ABCB10: variants seen among roughly 807,000 people sequenced by gnomAD.
ABCB10 encodes ATP-binding cassette sub-family B member 10, mitochondrial.
In ABCB10, 54 loss-of-function variants were observed where a neutral mutation model predicts 65.4. The ratio of observed to expected loss-of-function variants is 0.83; its 90% CI spans 0.66 to 1.04. The LOEUF is 1.04. ABCB10 is among the 50% of genes least tolerant of loss of function. ABCB10 has a pLI of 0.00. For synonymous variants in ABCB10, 418 were observed against 406.5 expected (o/e 1.03, Z -0.34); for missense variants, 846 against 976.6 (o/e 0.87, Z 1.78).
At chr1:229,542,928 C>T (rs1289449731) in intron 3 of ABCB10, among the ~76,000 whole-genome samples, 1 of 151,854 alleles carries the variant, frequency 6.6e-6, no homozygotes, top group Non-Finnish European at 1.5e-5. Context: ...GTCAGGAGTT[C>T]GAGACCAGCC....
chr1:229,527,172 A>G (rs1189388467), intron 9 of ABCB10, 57 bp downstream of exon 9: 2 of 1,516,722 alleles, frequency 1.3e-6, no homozygotes, highest in East Asian at 4.5e-5. Flanking sequence ...AAAAAAAGCA[A>G]AAGACAAAAG....
intron 6 of ABCB10, among the ~76,000 whole-genome samples, chr1:229,539,147 C>A (rs1301609358): frequency 2.0e-5 from 3 of 152,190 alleles, no homozygotes; most frequent in Non-Finnish European, 4.4e-5. Flanking sequence ...CCTCCTCCTG[C>A]CTGCACCTGT....
chr1:229,525,344 T>TTTG (rs370441280), intron 10 of ABCB10, among the ~76,000 whole-genome samples: 5,838 of 151,858 alleles, frequency 0.038, 248 homozygotes, highest in African/African-American at 0.11. Flanking sequence ...GCAAAGCACA[T>TTTG]TTGTTGTTGT....
At chr1:229,552,918 G>A (rs1663150942) in intron 1 of ABCB10, among the ~76,000 whole-genome samples, 1 of 152,154 alleles carries the variant, frequency 6.6e-6, no homozygotes, top group Admixed American at 6.5e-5. Context: ...ATCCCAAGCA[G>A]AGGAAGAGGA....
intron 9 of ABCB10, among the ~76,000 whole-genome samples, chr1:229,526,712 C>A (rs1662453510): frequency 6.6e-6 from 1 of 152,188 alleles, no homozygotes; most frequent in African/African-American, 2.4e-5. Context: ...ATTAAAACAG[C>A]TGCAGCAACA....
At chr1:229,546,807 C>T (rs552280608) in intron 3 of ABCB10, among the ~76,000 whole-genome samples, 134 of 151,978 alleles carry the variant, frequency 8.8e-4, no homozygotes, top group African/African-American at 2.8e-3. Context: ...TCACTTGAGC[C>T]CAGGAGTTTA....
At chr1:229,549,144 T>C in intron 2 of ABCB10, 90 bp downstream of exon 2, 1 of 1,380,632 alleles carries the variant, frequency 7.2e-7, no homozygotes, top group South Asian at 1.2e-5. Context: ...GAATGGAGCC[T>C]GGAGCACATG....
chr1:229,542,133 C>T, intron 4 of ABCB10, 104 bp downstream of exon 4: 1 of 1,381,672 alleles, frequency 7.2e-7, no homozygotes, highest in Non-Finnish European at 9.6e-7. Context: ...GAAAGGCAGG[C>T]ACTTCATTGA....
Position 229,539,566 on chromosome 1 carries a change from A to C in ABCB10, c.1229T>G (p.Val410Gly), listed in dbSNP as rs752215158. ...GATGLSGNLI[V>G]LSVLYKGGLL... ...CCCTCCTTTGTACAGGACAGAAAGC[A>C]CGATCAGGTTTCCGGAGAGCCCAGT... Residue 410 changes from valine (V) to glycine (G), a missense_variant, in exon 6 of 13, where the codon GTG becomes GGG. Coordinates refer to ENST00000344517, the MANE Select transcript of ABCB10 (RefSeq NM_012089.3). 14 of 1,614,048 alleles carry C rather than the reference A, an allele frequency of 8.7e-6. No homozygotes were observed. In the South Asian group the frequency reaches 1.5e-4, roughly 18 times the overall value.
intron 3 of ABCB10, among the ~76,000 whole-genome samples, chr1:229,546,376 T>C (rs986810707): frequency 3.9e-5 from 6 of 152,164 alleles, no homozygotes; most frequent in Non-Finnish European, 7.3e-5. Flanking sequence ...CAGTAGGCTA[T>C]TAGTAGTTGA....
At chr1:229,519,091 A>G (rs900392943) in intron 11 of ABCB10, 1 of 413,224 alleles carries the variant, frequency 2.4e-6, no homozygotes, top group Admixed American at 4.3e-5. Flanking sequence ...GATGGTGGAT[A>G]TCTGGGGCTG....
intron 6 of ABCB10, among the ~76,000 whole-genome samples, chr1:229,534,164 T>C (rs890147782): frequency 6.6e-6 from 1 of 152,154 alleles, no homozygotes; most frequent in Non-Finnish European, 1.5e-5. Context: ...CAAATAAGCA[T>C]ATGAACAGAC....
intron 9 of ABCB10, among the ~76,000 whole-genome samples, 169 bp from the exon 10 acceptor site, chr1:229,526,285 G>A (rs532997272): frequency 4.6e-4 from 70 of 152,316 alleles, no homozygotes; most frequent in Middle Eastern, 3.4e-3. Context: ...GCAGGTGCCC[G>A]CAAGGCACCT....
In ABCB10 at chr1:229,518,282, T is replaced by C. The variant is rs1472997603; in HGVS notation, c.2114A>G (p.Asp705Gly). 1 of 1,614,202 alleles carries C rather than the reference T, an allele frequency of 6.2e-7. No homozygotes were observed. The highest frequency in any genetic ancestry group is 2.2e-5 in the East Asian group (1 of 44,894). Residue 705 changes from aspartate to glycine, a missense_variant, in exon 13 of 13, where the codon GAC (aspartate) becomes GGC (glycine). Coordinates refer to ENST00000344517, the MANE Select transcript of ABCB10 (RefSeq NM_012089.3). ...IKNANMVAVL[D>G]QGKITEYGKH... ...TCCATATTCAGTAATTTTTCCTTGG[T>C]CAAGAACAGCAACCATATTAGCATT...
In ABCB10 at chr1:229,558,400, C is replaced by T. The variant is rs1163114847; in HGVS notation, c.253G>A (p.Gly85Ser). The T allele has an allele frequency of 2.5e-6, 3 of 1,206,304 alleles. No individual in the cohort carries two copies. Among genetic ancestry groups the T allele is most frequent in the Non-Finnish European group, 3.1e-6 (3 of 971,612 alleles). 74.7% of individuals were successfully genotyped at this position (1,206,304 alleles called of 1,614,324 possible). A position where few individuals can be genotyped will look rare whatever the true frequency, so the allele number is the denominator to read the frequency against. ...CACAGCCCCAGGAGCCGCGCGAGGCCCAGGACGCCCCGCGAGGCGCCCGGA... is the reference window on the plus strand; with the variant it reads ...CACAGCCCCAGGAGCCGCGCGAGGCTCAGGACGCCCCGCGAGGCGCCCGGA... Reference protein sequence around the residue: ...GGPGASRGVLGLARLLGLWAR... With the variant: ...GGPGASRGVLSLARLLGLWAR... The change falls in exon 1 of 13, where the codon GGC becomes AGC. Residue 85 changes from glycine to serine, a missense_variant. Gly to Ser is a moderately conservative substitution (Grantham distance 56). Around this residue, in one of 2 missense-constraint regions of ABCB10, gnomAD observed 214 missense variants for 173.5 expected, o/e 1.23. Transcript: ENST00000344517.
intron 6 of ABCB10, among the ~76,000 whole-genome samples, chr1:229,537,474 G>C (rs1662745799): frequency 6.6e-6 from 1 of 152,182 alleles, no homozygotes; most frequent in Admixed American, 6.5e-5. Flanking sequence ...TTCTATAAAA[G>C]TATAAAATTA....
rs1662555490 is a variant in ABCB10, at chr1:229,530,394, T to C, written c.1450A>G (p.Asn484Asp). The change falls in exon 8 of 13, where the codon AAT becomes GAT. Residue 484 changes from asparagine (N) to aspartate (D), a missense_variant. This residue lies in a region of ABCB10 where 632 missense variants were observed against 803.2 expected (regional missense o/e 0.79). Coordinates refer to ENST00000344517, the MANE Select transcript of ABCB10 (RefSeq NM_012089.3). The stretch of plus-strand genomic sequence containing the variant: ...AAAGCACCCTGGAAGCTTTTCTCAT[T>C]TAAGATGACCCCCTCTGAAACATAA... ...KLPFNEGVIL[N>D]EKSFQGALEF... is the part of the protein sequence containing the mutation. The C allele has an allele frequency of 6.2e-7, 1 of 1,614,034 alleles. No homozygotes were observed. The highest frequency in any genetic ancestry group is 8.5e-7 in the Non-Finnish European group (1 of 1,180,032).
intron 1 of ABCB10, among the ~76,000 whole-genome samples, chr1:229,555,416 G>A (rs1468879713): frequency 1.3e-5 from 2 of 152,248 alleles, no homozygotes; most frequent in East Asian, 1.9e-4. Flanking sequence ...AGACAGCTGC[G>A]AATTCCTCCC....
intron 3 of ABCB10, among the ~76,000 whole-genome samples, chr1:229,544,770 G>A (rs1662930387): frequency 6.6e-6 from 1 of 152,154 alleles, no homozygotes; most frequent in African/African-American, 2.4e-5. Flanking sequence ...GTTAAGTGTG[G>A]GGCCATGATC....
Sources: gnomAD v4.1 joint callset for allele counts (sites outside exome capture counted in the v4.1 genomes callset) on GRCh38, gnomAD v4.1.1 for gene constraint, gnomAD v4.1.1 regional missense constraint, MANE v1.5 for transcripts, NCBI Gene and HGNC (gene_info 2026-07-23, HGNC 2026-07-21) for gene names.